EFR3A: variants seen among roughly 807,000 people sequenced by gnomAD.
The protein encoded by EFR3A is EFR3 homolog A.
EFR3A carries 76 observed loss-of-function variants against 104.4 expected under a neutral mutation model. The ratio of observed to expected loss-of-function variants is 0.73; its 90% confidence interval spans 0.60 to 0.88. The LOEUF is 0.88. Among genes scored for constraint, EFR3A ranks in the 40% least tolerant of loss-of-function variants. The pLI, the probability that EFR3A is intolerant of heterozygous loss-of-function variation, is 0.00. For synonymous variants in EFR3A, 330 were observed against 330.0 expected, an observed-to-expected ratio of 1.00 and a Z score of 0.00; for missense variants, 985 against 1,012.5, an observed-to-expected ratio of 0.97 and a Z score of 0.37.
In EFR3A at chr8:131,968,483, C is replaced by T. The variant is rs113814183; in HGVS notation, c.991+53C>T. ...GTGCGTTGATCTGGTTCAAAGTGTC[C>T]TTTCAGTATGCATAGCAGTGTATGA... On this transcript the variant is annotated intron_variant, in intron 9 of 22. Coordinates refer to ENST00000254624, the MANE Select transcript of EFR3A (RefSeq NM_015137.6). 4 of 1,558,212 alleles carry T rather than the reference C, an allele frequency of 2.6e-6. No homozygotes were observed. In the African/African-American group the frequency reaches 5.4e-5, roughly 21 times the overall value.
rs1818469294 is a variant in EFR3A at position 131,946,918 on chromosome 8, CTA to C, written c.366+286_366+287del. ...TTTATTGCAACACTAACTTTGTGTCCTACATTCCTTTTGAGTTTCATGCCTTT... is the reference window on the plus strand; with the variant it reads ...TTTATTGCAACACTAACTTTGTGTCCCATTCCTTTTGAGTTTCATGCCTTT... On this transcript the variant is annotated intron_variant, in intron 4 of 22. Transcript: ENST00000254624. Among the ~76,000 whole-genome samples the C allele has an allele frequency of 3.3e-5, 5 of 152,074 alleles. No individual in the cohort carries two copies. The South Asian group carries it at 1.0e-3, about 32-fold the overall frequency.
chr8:131,949,593 C>T (rs1047370120), intron 4 of EFR3A, among the ~76,000 whole-genome samples: 1 of 151,980 alleles, frequency 6.6e-6, no homozygotes, highest in Non-Finnish European at 1.5e-5. Context: ...CATTTGAGGC[C>T]AGGAGTTCAA....
intron 19 of EFR3A, chr8:132,000,676 A>G (rs534644856): frequency 6.6e-6 from 1 of 152,224 alleles, no homozygotes; most frequent in East Asian, 1.9e-4. Flanking sequence ...AACAAAAGCA[A>G]TTTCTTTTTT....
intron 8 of EFR3A, among the ~76,000 whole-genome samples, chr8:131,965,335 T>C (rs1819641571): frequency 1.3e-5 from 2 of 152,150 alleles, no homozygotes; most frequent in African/African-American, 4.8e-5. Context: ...AGGGCTAATA[T>C]GCAGACTCCA....
intron 1 of EFR3A, among the ~76,000 whole-genome samples, chr8:131,934,802 TGTATATAC>T (rs1366544273): frequency 6.6e-6 from 1 of 152,146 alleles, no homozygotes; most frequent in Non-Finnish European, 1.5e-5. Context: ...TACATATATG[TGTATATAC>T]ACACACATAC....
Position 131,970,609 on chromosome 8 carries a change from G to T in EFR3A, c.1125G>T (p.Glu375Asp). The stretch of plus-strand genomic sequence containing the variant: ...ATACAAGTTCCAAAGACAATGATGA[G>T]AAGATTGTGCAGAATGCTATCATCC... The part of the protein sequence containing the change: ...NLNTSSKDND[E>D]KIVQNAIIQT... Residue 375 changes from glutamate to aspartate, a missense_variant, in exon 10 of 23, where the codon GAG (glutamate) becomes GAT (aspartate). Coordinates refer to ENST00000254624, the MANE Select transcript of EFR3A (RefSeq NM_015137.6). 1 of 1,613,810 alleles carries T rather than the reference G, an allele frequency of 6.2e-7. No individual in the cohort carries two copies. Among genetic ancestry groups the T allele is most frequent in the Non-Finnish European group, 8.5e-7 (1 of 1,179,794 alleles).
At chr8:131,933,340 G>A (rs1213247376) in intron 1 of EFR3A, among the ~76,000 whole-genome samples, 1 of 152,142 alleles carries the variant, frequency 6.6e-6, no homozygotes, top group African/African-American at 2.4e-5. Flanking sequence ...ACCATGCAGT[G>A]TTGTACAGTG....
chr8:131,961,432 G>A (rs1294294690), intron 8 of EFR3A, among the ~76,000 whole-genome samples: 5 of 152,198 alleles, frequency 3.3e-5, no homozygotes, highest in Non-Finnish European at 7.3e-5. Flanking sequence ...TTCAGTAGCC[G>A]ATTCGATCAA....
At chr8:131,985,772 C>A (rs993352351) in intron 16 of EFR3A, among the ~76,000 whole-genome samples, 3 of 152,186 alleles carry the variant, frequency 2.0e-5, no homozygotes, top group African/African-American at 7.2e-5. Flanking sequence ...TCTTTGCTCA[C>A]AGTTCATTGG....
intron 18 of EFR3A, among the ~76,000 whole-genome samples, chr8:131,987,998 C>T (rs1362543201): frequency 1.3e-5 from 2 of 151,954 alleles, no homozygotes; most frequent in African/African-American, 4.8e-5. Flanking sequence ...GATCTTTTCT[C>T]ATTAAATGAT....
intron 15 of EFR3A, 59 bp downstream of exon 15, chr8:131,984,359 T>C: frequency 7.1e-7 from 1 of 1,400,272 alleles, no homozygotes. Context: ...ACAACATCTT[T>C]GAAATGTTGC....
At chr8:131,980,282 T>C (rs1386939895) in intron 14 of EFR3A, among the ~76,000 whole-genome samples, 3 of 152,124 alleles carry the variant, frequency 2.0e-5, no homozygotes, top group Admixed American at 2.0e-4. Context: ...TTACTATTGA[T>C]TGCTGTGTTT....
intron 22 of EFR3A, among the ~76,000 whole-genome samples, chr8:132,005,865 A>C (rs1451138713): frequency 1.3e-5 from 2 of 152,210 alleles, no homozygotes; most frequent in East Asian, 3.8e-4. Context: ...ATGTGGGACT[A>C]TAGCAAGTGT....
rs1391134509 is a variant in EFR3A at position 131,968,275 on chromosome 8, T to C, written c.856-20T>C. 6.2e-7 allele frequency: 1 copy of C among 1,611,262 alleles called. No individual in the cohort carries two copies. Among genetic ancestry groups the C allele is most frequent in the Admixed American group, 1.7e-5 (1 of 59,644 alleles). On this transcript the variant is annotated intron_variant, in intron 8 of 22. Coordinates refer to ENST00000254624, the MANE Select transcript of EFR3A (RefSeq NM_015137.6). ...TACATGTACTTTTTATACATCTTTG[T>C]ACTGTTTTGTCTCCTTCAGGCTCAG... is the stretch of plus-strand genomic sequence containing the variant.
At chr8:132,007,524 G>A (rs544161828) in intron 22 of EFR3A, among the ~76,000 whole-genome samples, 2 of 151,986 alleles carry the variant, frequency 1.3e-5, no homozygotes, top group Admixed American at 6.6e-5. Flanking sequence ...ATTAAATATT[G>A]TTTATATGCT....
intron 6 of EFR3A, among the ~76,000 whole-genome samples, chr8:131,954,515 A>G (rs1178224982): frequency 6.6e-6 from 1 of 151,894 alleles, no homozygotes; most frequent in African/African-American, 2.4e-5. Flanking sequence ...CCTCTACAAC[A>G]TTCACTTGCA....
intron 1 of EFR3A, among the ~76,000 whole-genome samples, chr8:131,930,280 C>T (rs762195410): frequency 2.0e-5 from 3 of 151,854 alleles, no homozygotes; most frequent in Non-Finnish European, 4.4e-5. Context: ...TCCTTTTTTC[C>T]AGACTGACGA....
At chr8:131,947,303 T>G (rs900453009) in intron 4 of EFR3A, among the ~76,000 whole-genome samples, 1 of 151,978 alleles carries the variant, frequency 6.6e-6, no homozygotes, top group Non-Finnish European at 1.5e-5. Context: ...CGTTGACTAT[T>G]GGGTATATTT....
At chr8:131,910,525 G>A (rs757396067) in intron 1 of EFR3A, among the ~76,000 whole-genome samples, 3 of 152,124 alleles carry the variant, frequency 2.0e-5, no homozygotes, top group Non-Finnish European at 4.4e-5. Flanking sequence ...TGCCTGCCTC[G>A]GCCTCGCAAA....
Sources: allele counts gnomAD v4.1 joint callset (sites outside exome capture counted in the v4.1 genomes callset), GRCh38; gene constraint gnomAD v4.1.1; transcripts MANE v1.5; gene names NCBI Gene and HGNC (gene_info 2026-07-23, HGNC 2026-07-21).